Variants in GLIPR2 observed in about 807,000 individuals in gnomAD.
GLIPR2 encodes Golgi-associated plant pathogenesis-related protein 1.
Under a neutral mutation model 20.4 loss-of-function variants are expected in GLIPR2, and 21 were observed. That is an observed-to-expected ratio of 1.03 (90% CI 0.73 to 1.48). The LOEUF is 1.48. GLIPR2 is among the 40% of genes most tolerant of loss of function. The pLI, the probability that GLIPR2 is intolerant of heterozygous loss-of-function variation, is 0.00. For missense variants in GLIPR2, 205 were observed against 200.1 expected (o/e 1.02, Z -0.15); for synonymous variants, 91 against 80.5 (o/e 1.13, Z -0.70).
chr9:36,158,971 A>G (rs1376625439), intron 4 of GLIPR2, among the ~76,000 whole-genome samples: 1 of 152,202 alleles, frequency 6.6e-6, no homozygotes, highest in Non-Finnish European at 1.5e-5. Flanking sequence ...AGGCTGAGGC[A>G]TGAGAATCAC....
At chr9:36,142,518 G>A (rs896587581) in intron 1 of GLIPR2, among the ~76,000 whole-genome samples, 1 of 152,216 alleles carries the variant, frequency 6.6e-6, no homozygotes, top group Non-Finnish European at 1.5e-5. Context: ...GCAGGAGAAA[G>A]CAGGCCCGGG....
chr9:36,161,052 G>T (rs1587163396), intron 4 of GLIPR2, among the ~76,000 whole-genome samples: 1 of 151,666 alleles, frequency 6.6e-6, no homozygotes, highest in South Asian at 2.1e-4. Context: ...AAAAAAAAAA[G>T]AAAAGAAAAA....
chr9:36,151,133 G>A, intron 4 of GLIPR2, 184 bp downstream of exon 4: 1 of 599,642 alleles, frequency 1.7e-6, no homozygotes, highest in Non-Finnish European at 3.0e-6. Flanking sequence ...TACATCCCCA[G>A]CTTCCCCATG....
intron 1 of GLIPR2, among the ~76,000 whole-genome samples, chr9:36,138,102 G>T (rs769382655): frequency 5.9e-5 from 9 of 152,272 alleles, no homozygotes; most frequent in Non-Finnish European, 1.2e-4. Flanking sequence ...CAGGATGACA[G>T]ATGGTGATGG....
intron 4 of GLIPR2, among the ~76,000 whole-genome samples, chr9:36,156,387 A>T (rs1825832161): frequency 2.0e-4 from 6 of 29,710 alleles, no homozygotes; most frequent in African/African-American, 2.9e-4. Context: ...GCCATGTCTA[A>T]AAAAAAAAAA....
rs1475904447 is a variant in GLIPR2, at chr9:36,141,458, G to A, written c.13+4667G>A. Among the ~76,000 whole-genome samples the A allele has an allele frequency of 1.3e-4, 4 of 31,376 alleles. No individual in the cohort carries two copies. The East Asian group carries it at 3.5e-3, about 27-fold the overall frequency. The allele number at this position is 31,376 out of a possible 152,430, so 20.6% of individuals were successfully genotyped here. A position where few individuals can be genotyped will look rare whatever the true frequency, so the allele number is the denominator to read the frequency against. On this transcript the variant is annotated intron_variant, in intron 1 of 4. Coordinates refer to ENST00000377960, the MANE Select transcript of GLIPR2 (RefSeq NM_022343.4). ...GGCTGCTTTCCAGCCTTTTGCCAAGGGGGCAGGGGGCCTGTTCACAATTCC... is the reference window on the plus strand; with the variant it reads ...GGCTGCTTTCCAGCCTTTTGCCAAGAGGGCAGGGGGCCTGTTCACAATTCC...
In GLIPR2 at chr9:36,136,948, G is replaced by T. The variant is rs923486892; in HGVS notation, c.13+157G>T. ...GGCGGAGCGCCCCGGCGCGGTTTCCGGGGAACCCGGGGGGAAGGCGAGCCC... is the reference window on the plus strand; with the variant it reads ...GGCGGAGCGCCCCGGCGCGGTTTCCTGGGAACCCGGGGGGAAGGCGAGCCC... On this transcript the variant is annotated intron_variant, in intron 1 of 4. Transcript: ENST00000377960. This position sits in a 1 kb window ranked among gnomAD's most constrained non-coding sequence, Gnocchi z 4.3. The T allele has an allele frequency of 9.3e-5, 80 of 860,574 alleles. No individual in the cohort carries two copies. The highest frequency in any genetic ancestry group is 3.5e-4 in the African/African-American group (20 of 57,106). 53.3% of individuals were successfully genotyped at this position (860,574 alleles called of 1,614,324 possible). A position where few individuals can be genotyped will look rare whatever the true frequency, so the allele number is the denominator to read the frequency against.
intron 4 of GLIPR2, among the ~76,000 whole-genome samples, chr9:36,159,469 G>A (rs1019250863): frequency 6.6e-6 from 1 of 152,164 alleles, no homozygotes; most frequent in African/African-American, 2.4e-5. Context: ...CACTTTTCAT[G>A]TGCCAGGCTA....
chr9:36,145,574 G>A (rs1825291697), intron 1 of GLIPR2, among the ~76,000 whole-genome samples: 1 of 152,188 alleles, frequency 6.6e-6, no homozygotes, highest in African/African-American at 2.4e-5. Context: ...TGGATGAATG[G>A]TAGATGTATG....
chr9:36,162,923 G>A lies in GLIPR2; in HGVS notation c.*401G>A, dbSNP rs549999875. 1.1e-5 allele frequency: 5 copies of A among 456,398 alleles called. No individual in the cohort carries two copies. The highest frequency in any genetic ancestry group is 4.0e-5 in the African/African-American group (2 of 49,966). The allele number at this position is 456,398 out of a possible 1,614,324, so 28.3% of individuals were successfully genotyped here. ...TCATTTTATGTGATCTTCATGCGTC[G>A]TAATCTACTTTTGGTAGATAATTAA... is the stretch of plus-strand genomic sequence containing the variant. On this transcript the variant is annotated 3_prime_UTR_variant, in exon 5 of 5. Coordinates refer to ENST00000377960, the MANE Select transcript of GLIPR2 (RefSeq NM_022343.4).
intron 4 of GLIPR2, among the ~76,000 whole-genome samples, chr9:36,155,603 G>C (rs1825795292): frequency 6.6e-6 from 1 of 151,658 alleles, no homozygotes; most frequent in Non-Finnish European, 1.5e-5. Context: ...AAAAAAAAAA[G>C]TTTTAAATGG....
At chr9:36,143,405 G>A (rs796124392) in intron 1 of GLIPR2, among the ~76,000 whole-genome samples, 60 of 152,246 alleles carry the variant, frequency 3.9e-4, no homozygotes, top group African/African-American at 1.3e-3. Context: ...ACCACTGCAC[G>A]TGCCACTCAG....
chr9:36,162,309 T>G (rs1046404346), intron 4 of GLIPR2, 53 bp from the exon 5 acceptor site: 1 of 1,599,860 alleles, frequency 6.3e-7, no homozygotes, highest in Admixed American at 1.7e-5. Flanking sequence ...ACATCCTTCT[T>G]CAGGCTCTGC....
At chr9:36,157,416 G>A (rs1394805232) in intron 4 of GLIPR2, among the ~76,000 whole-genome samples, 3 of 150,206 alleles carry the variant, frequency 2.0e-5, no homozygotes, top group African/African-American at 4.9e-5. Context: ...GTGTAGTCTT[G>A]GCTCACTGCA....
chr9:36,153,537 A>G (rs930527705), intron 4 of GLIPR2, among the ~76,000 whole-genome samples: 1 of 151,756 alleles, frequency 6.6e-6, no homozygotes, highest in Non-Finnish European at 1.5e-5. Flanking sequence ...CCTGTCTGCA[A>G]CTCCTCCTTG....
chr9:36,155,937 C>T (rs974926874), intron 4 of GLIPR2, among the ~76,000 whole-genome samples: 14 of 151,740 alleles, frequency 9.2e-5, no homozygotes, highest in African/African-American at 2.2e-4. Flanking sequence ...AGGCTGGGCA[C>T]GGCAGCTCAC....
At chr9:36,139,593 G>C (rs1382550121) in intron 1 of GLIPR2, among the ~76,000 whole-genome samples, 2 of 152,198 alleles carry the variant, frequency 1.3e-5, no homozygotes, top group African/African-American at 4.8e-5. Context: ...CAGGGGCTCT[G>C]TGTGCTTCTG....
chr9:36,137,325 C>T (rs1824868891), intron 1 of GLIPR2, among the ~76,000 whole-genome samples: 1 of 152,196 alleles, frequency 6.6e-6, no homozygotes, highest in Non-Finnish European at 1.5e-5. Context: ...TTCTGCAGCG[C>T]AGCTCTCCTC....
At chr9:36,141,201 A>T (rs1376131302) in intron 1 of GLIPR2, among the ~76,000 whole-genome samples, 1 of 152,136 alleles carries the variant, frequency 6.6e-6, no homozygotes, top group Non-Finnish European at 1.5e-5. Context: ...TGCTGTTCTC[A>T]TTTTATGTAT....
Sources: allele counts gnomAD v4.1 joint callset (sites outside exome capture counted in the v4.1 genomes callset), GRCh38; gene constraint gnomAD v4.1.1; non-coding constraint Gnocchi (gnomAD v3.1); transcripts MANE v1.5; gene names NCBI Gene and HGNC (gene_info 2026-07-23, HGNC 2026-07-21).